TMEM132C: variants seen among roughly 807,000 people sequenced by gnomAD.
TMEM132C encodes the protein transmembrane protein 132C.
Under a neutral mutation model 61.4 loss-of-function variants are expected in TMEM132C, and 29 were observed. The observed-to-expected ratio is 0.47, with a 90% CI of 0.35 to 0.64. The LOEUF (loss-of-function observed/expected upper bound fraction) is 0.64, where lower values mean the gene tolerates loss of function less well. Among genes scored for constraint, TMEM132C ranks in the 30% least tolerant of loss-of-function variants. The pLI is 0.00. For synonymous variants in TMEM132C, 656 were observed against 633.1 expected, an observed-to-expected ratio of 1.04 and a Z score of -0.54; for missense variants, 1,408 against 1,476.9, an observed-to-expected ratio of 0.95 and a Z score of 0.76.
intron 2 of TMEM132C, among the ~76,000 whole-genome samples, chr12:128,507,402 C>CT (rs111625089): frequency 0.023 from 2,574 of 113,356 alleles, 43 homozygotes; most frequent in African/African-American, 0.05. Context: ...TTTTTTCTTT[C>CT]TTTTTTTTTT....
intron 2 of TMEM132C, among the ~76,000 whole-genome samples, chr12:128,499,856 G>A (rs1204546487): frequency 2.0e-5 from 3 of 152,188 alleles, no homozygotes; most frequent in East Asian, 1.9e-4. Context: ...ACATGGGGGT[G>A]CAGATTTCTC....
chr12:128,427,721 C>T (rs80026014), intron 2 of TMEM132C, among the ~76,000 whole-genome samples: 1 of 152,194 alleles, frequency 6.6e-6, no homozygotes, highest in African/African-American at 2.4e-5. Context: ...AGAAGCCCGG[C>T]ATCCTCACCC....
intron 1 of TMEM132C, among the ~76,000 whole-genome samples, chr12:128,316,909 C>T (rs1251110964): frequency 2.0e-5 from 3 of 152,094 alleles, no homozygotes; most frequent in Non-Finnish European, 4.4e-5. Context: ...GTAATGAGTA[C>T]CTGGGAACCC....
chr12:128,674,713 G>T (rs904311459), intron 5 of TMEM132C, among the ~76,000 whole-genome samples: 5 of 152,046 alleles, frequency 3.3e-5, no homozygotes, highest in Non-Finnish European at 7.4e-5. Context: ...GCGTACAGGT[G>T]GTATTTGGTT....
intron 2 of TMEM132C, among the ~76,000 whole-genome samples, chr12:128,537,884 A>G (rs932478230): frequency 6.6e-6 from 1 of 152,220 alleles, no homozygotes. Flanking sequence ...GGTCAATATT[A>G]TCATTGGGGG....
chr12:128,310,443 A>G (rs1395956418), intron 1 of TMEM132C, among the ~76,000 whole-genome samples: 2 of 152,152 alleles, frequency 1.3e-5, no homozygotes, highest in Non-Finnish European at 2.9e-5. Flanking sequence ...GACTTCTGGT[A>G]AAGCCTCATG....
chr12:128,330,108 A>G (rs11059649), intron 1 of TMEM132C, among the ~76,000 whole-genome samples: 11,169 of 152,246 alleles, frequency 0.073, 1,022 homozygotes, highest in African/African-American at 0.22. Flanking sequence ...TGAGTAGAAG[A>G]TAGCATCACT....
intron 3 of TMEM132C, among the ~76,000 whole-genome samples, chr12:128,611,206 C>CA (rs5801809): frequency 6.6e-6 from 1 of 151,826 alleles, no homozygotes; most frequent in South Asian, 2.1e-4. Flanking sequence ...TCAGGAAGTC[C>CA]TTTGAAGCCC....
At chr12:128,624,979 C>G (rs938085885) in intron 4 of TMEM132C, among the ~76,000 whole-genome samples, 6 of 152,236 alleles carry the variant, frequency 3.9e-5, no homozygotes, top group African/African-American at 1.4e-4. Context: ...GAAACACAGT[C>G]CCGAGAGAAA....
chr12:128,300,984 T>G (rs1001169771), intron 1 of TMEM132C, among the ~76,000 whole-genome samples: 1 of 152,140 alleles, frequency 6.6e-6, no homozygotes, highest in African/African-American at 2.4e-5. Flanking sequence ...GAGGCTACAG[T>G]GAGCTAGGAA....
intron 2 of TMEM132C, among the ~76,000 whole-genome samples, chr12:128,439,476 G>A (rs2136045426): frequency 6.6e-6 from 1 of 152,320 alleles, no homozygotes; most frequent in East Asian, 1.9e-4. Context: ...TGAGATCTGT[G>A]CATGTTAGAC....
intron 2 of TMEM132C, among the ~76,000 whole-genome samples, chr12:128,477,039 T>A (rs1871174510): frequency 6.6e-6 from 1 of 152,206 alleles, no homozygotes; most frequent in South Asian, 2.1e-4. Context: ...AAGTTTAAAG[T>A]GACTTGACAT....
intron 1 of TMEM132C, among the ~76,000 whole-genome samples, chr12:128,376,159 C>A (rs1874185864): frequency 6.6e-6 from 1 of 152,188 alleles, no homozygotes; most frequent in African/African-American, 2.4e-5. Flanking sequence ...TGTTTGAAAT[C>A]ATCAGTTAAG....
At chr12:128,615,263 A>T (rs757982568) in intron 3 of TMEM132C, among the ~76,000 whole-genome samples, 1 of 152,196 alleles carries the variant, frequency 6.6e-6, no homozygotes, top group Non-Finnish European at 1.5e-5. Flanking sequence ...GACCAGTTTC[A>T]TGGAAGACAA....
chr12:128,467,541 TTTG>T (rs1405382052), intron 2 of TMEM132C, among the ~76,000 whole-genome samples: 6 of 152,186 alleles, frequency 3.9e-5, no homozygotes, highest in Non-Finnish European at 7.3e-5. Context: ...TTTCATTCCA[TTTG>T]TTGTTGTTAG....
At chr12:128,578,308 C>A (rs577756273) in intron 3 of TMEM132C, among the ~76,000 whole-genome samples, 1 of 152,152 alleles carries the variant, frequency 6.6e-6, no homozygotes, top group African/African-American at 2.4e-5. Context: ...GCCGGCCCCA[C>A]CTCCCACACT....
chr12:128,666,274 C>CA (rs1954473318), intron 4 of TMEM132C, among the ~76,000 whole-genome samples: 1 of 151,282 alleles, frequency 6.6e-6, no homozygotes, highest in African/African-American at 2.4e-5. Context: ...CACTCATACA[C>CA]AAACACAGGC....
At chr12:128,267,650 A>G (rs1370042982) in intron 1 of TMEM132C, among the ~76,000 whole-genome samples, 163 bp downstream of exon 1, 1 of 152,082 alleles carries the variant, frequency 6.6e-6, no homozygotes, top group East Asian at 1.9e-4. Flanking sequence ...CCCCTAATCC[A>G]GAAGGGCGCT....
chr12:128,571,062 G>A (rs1294932370), intron 3 of TMEM132C, among the ~76,000 whole-genome samples: 2 of 152,172 alleles, frequency 1.3e-5, no homozygotes, highest in Non-Finnish European at 2.9e-5. Context: ...TGGGCTTTTG[G>A]ATGTAGTCAT....
Sources: gnomAD v4.1 joint callset for allele counts (sites outside exome capture counted in the v4.1 genomes callset) on GRCh38, gnomAD v4.1.1 for gene constraint, MANE v1.5 for transcripts, NCBI Gene and HGNC (gene_info 2026-07-23, HGNC 2026-07-21) for gene names.